CYRIA: variants seen among roughly 807,000 people sequenced by gnomAD.
The protein encoded by CYRIA is CYFIP related Rac1 interactor A.
CYRIA carries 15 observed loss-of-function variants against 43.9 expected under a neutral mutation model. The observed-to-expected ratio is 0.34, with a 90% CI of 0.23 to 0.53. The LOEUF is 0.53. CYRIA is among the 20% of genes least tolerant of loss of function. The pLI, the probability that CYRIA is intolerant of heterozygous loss-of-function variation, is 0.94. For missense variants in CYRIA, 236 were observed against 394.2 expected (o/e 0.60, Z 3.40); for synonymous variants, 117 against 136.0 (o/e 0.86, Z 0.97).
chr2:16,649,239 A>T (rs902950446), intron 1 of CYRIA, among the ~76,000 whole-genome samples: 2 of 152,226 alleles, frequency 1.3e-5, no homozygotes, highest in African/African-American at 4.8e-5. Flanking sequence ...ATGTCATTTT[A>T]TATAAGGGAC....
At chr2:16,603,151 C>T (rs1668267458) in intron 2 of CYRIA, among the ~76,000 whole-genome samples, 1 of 152,140 alleles carries the variant, frequency 6.6e-6, no homozygotes. Flanking sequence ...GCACTGGGCA[C>T]AGAACGCCTG....
intron 1 of CYRIA, among the ~76,000 whole-genome samples, chr2:16,630,522 T>C (rs1390766268): frequency 6.6e-6 from 1 of 152,110 alleles, no homozygotes; most frequent in Non-Finnish European, 1.5e-5. Flanking sequence ...GCCATTAAGG[T>C]GAGTGCACCC....
At chr2:16,582,174 C>T (rs1327167410) in intron 3 of CYRIA, among the ~76,000 whole-genome samples, 2 of 152,008 alleles carry the variant, frequency 1.3e-5, no homozygotes, top group Non-Finnish European at 2.9e-5. Context: ...ATCAGTGCAT[C>T]TTAGTGCATG....
chr2:16,656,242 A>G (rs1457266489), intron 1 of CYRIA, among the ~76,000 whole-genome samples: 1 of 151,918 alleles, frequency 6.6e-6, no homozygotes, highest in Non-Finnish European at 1.5e-5. Flanking sequence ...ACCCACACTC[A>G]CACATACCTA....
intron 1 of CYRIA, among the ~76,000 whole-genome samples, chr2:16,633,567 TTTTTTCTG>T (rs1168931366): frequency 3.3e-4 from 23 of 69,212 alleles, no homozygotes; most frequent in African/African-American, 2.4e-3. Flanking sequence ...TTTTTTTTTT[TTTTTTCTG>T]TAGAGAAGGG....
At chr2:16,573,845 C>T (rs534602381) in intron 3 of CYRIA, among the ~76,000 whole-genome samples, 2 of 152,280 alleles carry the variant, frequency 1.3e-5, no homozygotes, top group South Asian at 4.1e-4. Flanking sequence ...TTGTAAATTG[C>T]CCAGTCTCAG....
At chr2:16,631,115 T>C (rs1669319199) in intron 1 of CYRIA, among the ~76,000 whole-genome samples, 1 of 152,246 alleles carries the variant, frequency 6.6e-6, no homozygotes, top group African/African-American at 2.4e-5. Context: ...ACCTGTTAAA[T>C]GCAGATCATA....
At chr2:16,638,510 G>A (rs1244435899) in intron 1 of CYRIA, among the ~76,000 whole-genome samples, 3 of 152,198 alleles carry the variant, frequency 2.0e-5, no homozygotes, top group African/African-American at 7.2e-5. Context: ...GGGTGTTCAG[G>A]CACAGAGCAC....
chr2:16,599,705 G>A (rs542828340), intron 2 of CYRIA, among the ~76,000 whole-genome samples: 2 of 151,692 alleles, frequency 1.3e-5, no homozygotes, highest in Admixed American at 1.3e-4. Flanking sequence ...CGTCACTCAC[G>A]CTGGGAGCTG....
intron 3 of CYRIA, among the ~76,000 whole-genome samples, chr2:16,581,529 T>G (rs1308818815): frequency 6.6e-6 from 1 of 152,168 alleles, no homozygotes; most frequent in Non-Finnish European, 1.5e-5. Context: ...TTTGGAAAGC[T>G]GTTTCACAGT....
Position 16,654,721 on chromosome 2 carries a change from T to A in CYRIA, c.-167+11059A>T, listed in dbSNP as rs192690730. Among the ~76,000 whole-genome samples the A allele has an allele frequency of 3.3e-5, 5 of 152,256 alleles. No homozygotes were observed. The East Asian group carries it at 9.6e-4, about 29-fold the overall frequency. ...ATCACCTTAGAAGGTGTCTGTGGGA[T>A]GAAAAAATGTATACAAAAATACTAT... is the stretch of plus-strand genomic sequence containing the variant. On this transcript the variant is annotated intron_variant, in intron 1 of 11. Transcript: ENST00000381323.
At chr2:16,587,774 A>G (rs1667785291) in intron 3 of CYRIA, among the ~76,000 whole-genome samples, 1 of 152,038 alleles carries the variant, frequency 6.6e-6, no homozygotes, top group African/African-American at 2.4e-5. Context: ...GTTCCCCTAC[A>G]CAAGCTCTCT....
At chr2:16,608,782 G>T (rs1393165964) in intron 2 of CYRIA, among the ~76,000 whole-genome samples, 2 of 152,160 alleles carry the variant, frequency 1.3e-5, no homozygotes, top group African/African-American at 2.4e-5. Context: ...CAACCACAGC[G>T]CAAACAAGTC....
chr2:16,609,658 A>G (rs569931258), intron 2 of CYRIA, among the ~76,000 whole-genome samples: 1 of 152,314 alleles, frequency 6.6e-6, no homozygotes, highest in East Asian at 1.9e-4. Context: ...AGTATATATC[A>G]TCATTTATTT....
intron 2 of CYRIA, among the ~76,000 whole-genome samples, chr2:16,589,454 C>G (rs1306144637): frequency 6.6e-6 from 1 of 151,620 alleles, no homozygotes; most frequent in African/African-American, 2.4e-5. Flanking sequence ...AAATCACTAA[C>G]ATGAAATCAG....
intron 1 of CYRIA, among the ~76,000 whole-genome samples, chr2:16,642,770 A>G (rs928787251): frequency 6.6e-6 from 1 of 151,980 alleles, no homozygotes; most frequent in African/African-American, 2.4e-5. Context: ...CCTAGAATAC[A>G]TTTCTCCCAG....
chr2:16,625,540 C>T (rs1669135321), intron 1 of CYRIA, among the ~76,000 whole-genome samples: 1 of 152,146 alleles, frequency 6.6e-6, no homozygotes, highest in South Asian at 2.1e-4. Context: ...TTTAGGAAAC[C>T]GGATTGTGAT....
intron 1 of CYRIA, among the ~76,000 whole-genome samples, chr2:16,638,230 T>C (rs1401277147): frequency 1.3e-5 from 2 of 152,150 alleles, no homozygotes; most frequent in Non-Finnish European, 2.9e-5. Context: ...CTTCCACCCC[T>C]GGGGATGAAG....
At chr2:16,555,541 A>C (rs1195374100) in intron 10 of CYRIA, among the ~76,000 whole-genome samples, 2 of 152,034 alleles carry the variant, frequency 1.3e-5, no homozygotes, top group African/African-American at 4.8e-5. Flanking sequence ...TTTACTGAAT[A>C]AAATCTGAAT....
Sources: allele counts gnomAD v4.1 joint callset (sites outside exome capture counted in the v4.1 genomes callset), GRCh38; gene constraint gnomAD v4.1.1; transcripts MANE v1.5; gene names NCBI Gene and HGNC (gene_info 2026-07-23, HGNC 2026-07-21).